Variants in HMGCLL1 observed in about 807,000 individuals in gnomAD.
HMGCLL1 encodes the protein 3-hydroxymethyl-3-methylglutaryl-CoA lyase, cytoplasmic.
Under a neutral mutation model 39.1 loss-of-function variants are expected in HMGCLL1, and 36 were observed. The ratio of observed to expected loss-of-function variants is 0.92; its 90% CI spans 0.71 to 1.22. HMGCLL1 has a LOEUF of 1.22. HMGCLL1 is among the 50% of genes most tolerant of loss of function. The pLI is 0.00. For missense variants in HMGCLL1, 451 were observed against 416.5 expected, an observed-to-expected ratio of 1.08 and a Z score of -0.72; for synonymous variants, 149 against 144.0, an observed-to-expected ratio of 1.03 and a Z score of -0.25.
chr6:55,635,997 T>C, the HMGCLL1 span, among the ~76,000 whole-genome samples: 1 of 152,020 alleles, frequency 6.6e-6, no homozygotes, highest in Non-Finnish European at 1.5e-5. Flanking sequence ...TAGCTGGAAG[T>C]CCTCCAGCAG....
At chr6:55,444,503 C>T (rs1043184672) in intron 7 of HMGCLL1, among the ~76,000 whole-genome samples, 48 of 151,834 alleles carry the variant, frequency 3.2e-4, no homozygotes, top group African/African-American at 1.1e-3. Flanking sequence ...AGCTAGAAAA[C>T]AAAATGATGA....
chr6:55,575,259 T>C (rs376921423), intron 1 of HMGCLL1, among the ~76,000 whole-genome samples: 1 of 152,040 alleles, frequency 6.6e-6, no homozygotes, highest in East Asian at 1.9e-4. Flanking sequence ...GCAAAACCAT[T>C]GTCATTAGCA....
chr6:55,642,139 A>G, the HMGCLL1 span, among the ~76,000 whole-genome samples: 1 of 126,792 alleles, frequency 7.9e-6, no homozygotes, highest in Non-Finnish European at 1.6e-5. Flanking sequence ...ATTCCCACCT[A>G]TGAGTGAGAA....
At chr6:55,472,609 T>A (rs9370426) in intron 7 of HMGCLL1, among the ~76,000 whole-genome samples, 70,212 of 151,042 alleles carry the variant, frequency 0.46, 16,449 homozygotes, top group East Asian at 0.61. Context: ...TTTGTTTTAA[T>A]TTTTATTTAA....
intron 5 of HMGCLL1, among the ~76,000 whole-genome samples, chr6:55,506,071 C>G (rs1409955384): frequency 2.6e-5 from 4 of 151,658 alleles, no homozygotes; most frequent in Admixed American, 6.6e-5. Flanking sequence ...AACTGTCTGT[C>G]CAACTTGAAG....
intron 1 of HMGCLL1, among the ~76,000 whole-genome samples, chr6:55,547,224 T>C (rs188326034): frequency 6.6e-6 from 1 of 152,170 alleles, no homozygotes; most frequent in East Asian, 1.9e-4. Context: ...ATAAGTAATG[T>C]GCTTCACTCA....
chr6:55,655,555 G>GATAGATAGAT, the HMGCLL1 span, among the ~76,000 whole-genome samples: 1 of 151,616 alleles, frequency 6.6e-6, no homozygotes, highest in East Asian at 1.9e-4. Context: ...TAGATAGATA[G>GATAGATAGAT]ATAGATAGAT....
chr6:55,469,879 T>G (rs2127402464), intron 7 of HMGCLL1, among the ~76,000 whole-genome samples: 1 of 152,030 alleles, frequency 6.6e-6, no homozygotes, highest in South Asian at 2.1e-4. Context: ...TCATGAAGTA[T>G]AAAGCCAAAT....
intron 3 of HMGCLL1, among the ~76,000 whole-genome samples, chr6:55,534,326 A>T (rs897948423): frequency 6.6e-6 from 1 of 152,170 alleles, no homozygotes; most frequent in Non-Finnish European, 1.5e-5. Flanking sequence ...CTCTTCCAGA[A>T]TGCTGTGACC....
At chr6:55,578,923 G>A in intron 1 of HMGCLL1, 25 bp downstream of exon 1, 1 of 1,548,590 alleles carries the variant, frequency 6.5e-7, no homozygotes, top group Non-Finnish European at 8.9e-7. Context: ...TGAGGGTGGG[G>A]ACACCCTGGG....
intron 7 of HMGCLL1, among the ~76,000 whole-genome samples, chr6:55,467,877 T>C (rs1273627815): frequency 1.3e-5 from 2 of 152,040 alleles, no homozygotes; most frequent in Non-Finnish European, 2.9e-5. Context: ...AGATACTATG[T>C]GAACAGCACA....
At chr6:55,651,064 G>A in the HMGCLL1 span, among the ~76,000 whole-genome samples, 3 of 152,056 alleles carry the variant, frequency 2.0e-5, no homozygotes, top group African/African-American at 7.2e-5. Context: ...TAGGGTGCAA[G>A]GCAAAGTCAC....
the HMGCLL1 span, among the ~76,000 whole-genome samples, chr6:55,588,360 A>G: frequency 6.6e-6 from 1 of 152,240 alleles, no homozygotes; most frequent in South Asian, 2.1e-4. Flanking sequence ...AACCATCGAG[A>G]AAAAAGACAC....
At position 55,435,641 on chromosome 6, in the gene HMGCLL1, T is replaced by TA. The variant is rs752938000; in HGVS notation, c.*20dup. ...TAGCTGAAATTGATCTTCTCAACGG[T>TA]ACGTCATAAATCCATTCAAGTCAAG... On this transcript the variant is annotated 3_prime_UTR_variant, in exon 9 of 9. Transcript: ENST00000274901. The TA allele has an allele frequency of 3.6e-6, 5 of 1,376,080 alleles. No homozygotes were observed. Among genetic ancestry groups the TA allele is most frequent in the South Asian group, 2.5e-5 (2 of 81,128 alleles). The allele number at this position is 1,376,080 out of a possible 1,614,324, so 85.2% of individuals were successfully genotyped here.
At chr6:55,666,152 T>C in the HMGCLL1 span, among the ~76,000 whole-genome samples, 1 of 151,668 alleles carries the variant, frequency 6.6e-6, no homozygotes, top group South Asian at 2.1e-4. Flanking sequence ...TGGTTCTGAA[T>C]CAAGCGTGGA....
At chr6:55,436,141 A>T (rs1763363788) in intron 8 of HMGCLL1, among the ~76,000 whole-genome samples, 1 of 151,884 alleles carries the variant, frequency 6.6e-6, no homozygotes, top group Admixed American at 6.6e-5. Context: ...ATAGATAAGA[A>T]CTGACTTAGA....
chr6:55,512,437 T>C (rs1274318322), intron 5 of HMGCLL1: 1 of 152,144 alleles, frequency 6.6e-6, no homozygotes, highest in Non-Finnish European at 1.5e-5. Context: ...TTTGTAACTT[T>C]TGCCTGAAAA....
At chr6:55,661,129 G>A in the HMGCLL1 span, among the ~76,000 whole-genome samples, 3 of 151,984 alleles carry the variant, frequency 2.0e-5, no homozygotes, top group Admixed American at 1.3e-4. Flanking sequence ...TTAGTCAGAT[G>A]CATAGTTTGC....
In HMGCLL1 at chr6:55,435,117, G is replaced by A. The variant is rs11751755; in HGVS notation, c.*545C>T. The stretch of plus-strand genomic sequence containing the variant: ...TCACTGAAATAGTTAACAGATGTTA[G>A]CCATACTTGAAATATAAAAGTTCTA... On this transcript the variant is annotated 3_prime_UTR_variant, in exon 9 of 9. Coordinates refer to ENST00000274901, the MANE Select transcript of HMGCLL1 (RefSeq NM_001042406.2). 3,719 of 152,640 alleles carry A rather than the reference G, an allele frequency of 0.024. 80 individuals carry two copies. The highest frequency in any genetic ancestry group is 0.041 in the Admixed American group (625 of 15,244). The allele number at this position is 152,640 out of a possible 1,614,324, so 9.5% of individuals were successfully genotyped here.
Sources: gnomAD v4.1 joint callset for allele counts (sites outside exome capture counted in the v4.1 genomes callset) on GRCh38, gnomAD v4.1.1 for gene constraint, MANE v1.5 for transcripts, NCBI Gene and HGNC (gene_info 2026-07-23, HGNC 2026-07-21) for gene names.